Variants in RMND1 observed in about 807,000 individuals in gnomAD.
The protein encoded by RMND1 is required for meiotic nuclear division protein 1 homolog.
Under a neutral mutation model 54.0 loss-of-function variants are expected in RMND1, and 41 were observed. The observed-to-expected ratio is 0.76, with a 90% CI of 0.59 to 0.98. The LOEUF (loss-of-function observed/expected upper bound fraction) is 0.98, where lower values mean the gene tolerates loss of function less well. RMND1 is among the 50% of genes least tolerant of loss of function. RMND1 has a pLI of 0.00. For synonymous variants in RMND1, 183 were observed against 181.7 expected (o/e 1.01, Z -0.06); for missense variants, 457 against 532.0 (o/e 0.86, Z 1.39).
chr6:151,417,644 T>C (rs1780043876), intron 9 of RMND1, among the ~76,000 whole-genome samples: 1 of 151,872 alleles, frequency 6.6e-6, no homozygotes, highest in Admixed American at 6.6e-5. Context: ...GCATGTGGCA[T>C]TGCATGTGGC....
Position 151,405,099 on chromosome 6 carries a change from T to C in RMND1, c.*136A>G. ...GGCCAGGCTTGTCTTGAGCTCCTGA[T>C]CTCATCTCAAGCCACCCTTCTTGGC... On this transcript the variant is annotated 3_prime_UTR_variant, in exon 12 of 12. Transcript: ENST00000444024. The C allele has an allele frequency of 2.9e-6, 2 of 684,424 alleles. No individual in the cohort carries two copies. Among genetic ancestry groups the C allele is most frequent in the Admixed American group, 2.7e-5 (1 of 37,728 alleles). The allele number at this position is 684,424 out of a possible 1,614,324, so 42.4% of individuals were successfully genotyped here.
At chr6:151,447,068 G>C (rs989309542) in intron 1 of RMND1, among the ~76,000 whole-genome samples, 9 of 152,212 alleles carry the variant, frequency 5.9e-5, no homozygotes, top group Non-Finnish European at 8.8e-5. Flanking sequence ...CATGTGAAGA[G>C]TGTGGCATTG....
chr6:151,445,206 G>T, intron 2 of RMND1, 102 bp downstream of exon 2: 2 of 1,203,176 alleles, frequency 1.7e-6, no homozygotes, highest in Non-Finnish European at 2.3e-6. Flanking sequence ...CTGAGTGACT[G>T]CTAGTTCTCT....
chr6:151,447,253 TAA>T (rs966125727), intron 1 of RMND1, among the ~76,000 whole-genome samples: 14 of 152,140 alleles, frequency 9.2e-5, no homozygotes, highest in Admixed American at 3.3e-4. Context: ...AAAGTCATCC[TAA>T]AAAGTTTCTA....
Position 151,405,165 on chromosome 6 carries a change from G to A in RMND1, c.*70C>T, listed in dbSNP as rs1065310. On this transcript the variant is annotated 3_prime_UTR_variant, in exon 12 of 12. Transcript: ENST00000444024. ...GATTACAGGCATGAGGCACCGCGCC[G>A]GGCCGAACATTTAATTTTTGATTGT... The A allele has an allele frequency of 8.3e-6, 12 of 1,449,806 alleles. 1 individual carries two copies. Among genetic ancestry groups the A allele is most frequent in the South Asian group, 2.3e-5 (2 of 87,152 alleles). 89.8% of individuals were successfully genotyped at this position (1,449,806 alleles called of 1,614,324 possible). A position where few individuals can be genotyped will look rare whatever the true frequency, so the allele number is the denominator to read the frequency against.
intron 4 of RMND1, among the ~76,000 whole-genome samples, chr6:151,431,307 T>A (rs1372480010): frequency 6.6e-6 from 1 of 152,018 alleles, no homozygotes; most frequent in Non-Finnish European, 1.5e-5. Context: ...AAGGGAACTT[T>A]ATGCAGTGAT....
At chr6:151,432,439 T>C (rs1289416664) in intron 4 of RMND1, among the ~76,000 whole-genome samples, 2 of 152,226 alleles carry the variant, frequency 1.3e-5, no homozygotes, top group Non-Finnish European at 2.9e-5. Flanking sequence ...ATAAGGATTA[T>C]GACCACAAGA....
chr6:151,407,893 A>G (rs924530312), intron 10 of RMND1, among the ~76,000 whole-genome samples: 3 of 152,164 alleles, frequency 2.0e-5, no homozygotes, highest in Non-Finnish European at 2.9e-5. Flanking sequence ...CCTGGGCGAC[A>G]GAGCGAGACT....
Position 151,436,483 on chromosome 6 carries a change from G to C in RMND1, c.576C>G (p.Ala192=), listed in dbSNP as rs1229379644. Residue 192 remains alanine (A), a synonymous_variant, in exon 3 of 12, where the codon GCC becomes GCG. Transcript: ENST00000444024. ...TTGTTACTTCAACATATCCGTGGGA[G>C]GCCAGATCTTGAGACAGATTTCCCA... ...YHLGNLSQDL[A]SHGYVEVTSL... is the part of the protein sequence containing the mutation. 1.2e-6 allele frequency: 2 copies of C among 1,613,900 alleles called. No homozygotes were observed. Among genetic ancestry groups the C allele is most frequent in the Non-Finnish European group, 1.7e-6 (2 of 1,179,904 alleles).
chr6:151,405,885 T>C, intron 10 of RMND1, 49 bp from the exon 11 acceptor site: 1 of 951,732 alleles, frequency 1.1e-6, no homozygotes, highest in Non-Finnish European at 1.7e-6. Flanking sequence ...TTTAATACGG[T>C]CATACACATA....
intron 10 of RMND1, among the ~76,000 whole-genome samples, chr6:151,407,721 C>G (rs1779674970): frequency 6.6e-6 from 1 of 152,034 alleles, no homozygotes; most frequent in South Asian, 2.1e-4. Context: ...TCCTGGCTAA[C>G]AGGGTAAAAC....
chr6:151,436,825 G>A lies in RMND1; in HGVS notation c.505-271C>T, dbSNP rs9479043. 18,834 of 318,020 alleles carry A rather than the reference G, an allele frequency of 0.059. 2,456 individuals carry two copies. The highest frequency in any genetic ancestry group is 0.31 in the African/African-American group (15,160 of 48,280). 19.7% of individuals were successfully genotyped at this position (318,020 alleles called of 1,614,324 possible). On this transcript the variant is annotated intron_variant, in intron 2 of 11. Transcript: ENST00000444024. Reference sequence around the variant, plus strand: ...TCTGAAAGGGAAGCCACACTCAACTGGTAGTATCTCAAGCACAGATTGAAT... The same window carrying A: ...TCTGAAAGGGAAGCCACACTCAACTAGTAGTATCTCAAGCACAGATTGAAT...
At chr6:151,428,842 T>C (rs546294016) in intron 5 of RMND1, among the ~76,000 whole-genome samples, 17 of 152,178 alleles carry the variant, frequency 1.1e-4, no homozygotes, top group East Asian at 1.9e-4. Flanking sequence ...CCCACACTTA[T>C]AATATTGCTA....
intron 2 of RMND1, among the ~76,000 whole-genome samples, chr6:151,437,372 T>C (rs542806184): frequency 6.6e-5 from 10 of 152,358 alleles, no homozygotes; most frequent in Admixed American, 5.2e-4. Flanking sequence ...GGTCGCTATG[T>C]ATGTAAAATG....
chr6:151,442,369 C>CA (rs900876366), intron 2 of RMND1, among the ~76,000 whole-genome samples: 1 of 151,914 alleles, frequency 6.6e-6, no homozygotes, highest in African/African-American at 2.4e-5. Context: ...TTTCATTTTT[C>CA]AAAAAAATGG....
chr6:151,436,112 C>CAAA (rs67339992), intron 3 of RMND1: 66 of 173,726 alleles, frequency 3.8e-4, no homozygotes, highest in Middle Eastern at 2.6e-3. Context: ...TCCCAAAAAA[C>CAAA]AAAAAAAAAA....
At chr6:151,436,830 T>G (rs1243593248) in intron 2 of RMND1, 1 of 307,672 alleles carries the variant, frequency 3.3e-6, no homozygotes, top group African/African-American at 2.1e-5. Context: ...CAACTGGTAG[T>G]ATCTCAAGCA....
Position 151,436,288 on chromosome 6 carries a change from A to T in RMND1, c.613+158T>A, listed in dbSNP as rs147546887. On this transcript the variant is annotated intron_variant, in intron 3 of 11. Coordinates refer to ENST00000444024, the MANE Select transcript of RMND1 (RefSeq NM_017909.4). ...TCTCTGTAAATACATTTTAATTCTTAACTTTGTCATCTTTATAAAGAGATT... is the reference window on the plus strand; with the variant it reads ...TCTCTGTAAATACATTTTAATTCTTTACTTTGTCATCTTTATAAAGAGATT... 291 of 732,798 alleles carry T rather than the reference A, an allele frequency of 4.0e-4. No individual in the cohort carries two copies. In the African/African-American group the frequency reaches 4.3e-3, roughly 11 times the overall value. 45.4% of individuals were successfully genotyped at this position (732,798 alleles called of 1,614,324 possible). A position where few individuals can be genotyped will look rare whatever the true frequency, so the allele number is the denominator to read the frequency against.
intron 10 of RMND1, chr6:151,411,855 T>C (rs982805297): frequency 1.1e-4 from 16 of 152,094 alleles, no homozygotes; most frequent in Admixed American, 9.8e-4. Context: ...ATGAGGATCG[T>C]GTAGGTCAGG....
Sources: gnomAD v4.1 joint callset for allele counts (sites outside exome capture counted in the v4.1 genomes callset) on GRCh38, gnomAD v4.1.1 for gene constraint, MANE v1.5 for transcripts, NCBI Gene and HGNC (gene_info 2026-07-23, HGNC 2026-07-21) for gene names.